Variants in LRRC37A observed in about 807,000 individuals in gnomAD.
LRRC37A encodes leucine-rich repeat-containing protein 37A.
A neutral mutation model predicts 35.4 loss-of-function variants in LRRC37A; 3 were observed. That is an observed-to-expected ratio of 0.08 (90% CI 0.04 to 0.22). LRRC37A has a LOEUF of 0.22. LRRC37A is among the 10% of genes least tolerant of loss of function. The pLI is 1.00. For missense variants in LRRC37A, 67 were observed against 565.3 expected (o/e 0.12, Z 8.94); for synonymous variants, 23 against 215.0 (o/e 0.11, Z 7.81).
the LRRC37A span, among the ~76,000 whole-genome samples, chr17:46,286,761 T>C: frequency 6.6e-6 from 1 of 152,398 alleles, no homozygotes; most frequent in African/African-American, 2.4e-5. Flanking sequence ...TTTGGCTTCC[T>C]AAATTATTAA....
At chr17:46,260,638 T>TTC in the LRRC37A span, 1 of 1,430,580 alleles carries the variant, frequency 7.0e-7, no homozygotes, top group African/African-American at 1.5e-5. Flanking sequence ...TTTTTTTTTT[T>TTC]TTGAGACGTA....
At chr17:46,292,247 A>G (rs529230055), upstream of LRRC37A, among the ~76,000 whole-genome samples, 1 of 75,294 alleles carries the variant, frequency 1.3e-5, no homozygotes, top group African/African-American at 3.4e-5. Flanking sequence ...CATGAAAACC[A>G]CTTGAACCCA....
the LRRC37A span, among the ~76,000 whole-genome samples, chr17:46,265,812 C>A: frequency 2.6e-5 from 4 of 152,344 alleles, no homozygotes; most frequent in Admixed American, 6.5e-5. Flanking sequence ...AATTAGACCT[C>A]TGTGCCGGCC....
chr17:46,269,027 C>G, the LRRC37A span, among the ~76,000 whole-genome samples: 17,754 of 148,250 alleles, frequency 0.12, 1 homozygote, highest in Middle Eastern at 0.19. Context: ...AAATAGTCCA[C>G]AAAACATTTT....
the LRRC37A span, chr17:46,268,616 C>T: frequency 1.2e-5 from 18 of 1,551,628 alleles, no homozygotes; most frequent in Middle Eastern, 1.7e-4. Flanking sequence ...TGCTGAGGAG[C>T]AGCAGCAGCT....
chr17:46,256,324 G>T, the LRRC37A span, among the ~76,000 whole-genome samples: 1 of 152,140 alleles, frequency 6.6e-6, no homozygotes, highest in Non-Finnish European at 1.5e-5. Context: ...GGTGGAGGTT[G>T]CAGTGAGCCC....
chr17:46,257,505 T>G, the LRRC37A span, among the ~76,000 whole-genome samples: 1 of 132,936 alleles, frequency 7.5e-6, no homozygotes, highest in Non-Finnish European at 1.6e-5. Flanking sequence ...AAAAAAATAA[T>G]AAAATTTAAA....
At chr17:46,285,465 C>G in the LRRC37A span, among the ~76,000 whole-genome samples, 2 of 152,030 alleles carry the variant, frequency 1.3e-5, no homozygotes, top group Middle Eastern at 6.3e-3. Context: ...TGGTCTCAAA[C>G]TCCTGACCTC....
the LRRC37A span, among the ~76,000 whole-genome samples, chr17:46,280,399 T>A: frequency 6.6e-6 from 1 of 151,234 alleles, no homozygotes; most frequent in African/African-American, 2.4e-5. Context: ...TCTAGCCCAG[T>A]GCAGTGGCTC....
chr17:46,268,096 T>C, the LRRC37A span, among the ~76,000 whole-genome samples: 3 of 152,194 alleles, frequency 2.0e-5, no homozygotes, highest in Non-Finnish European at 2.9e-5. Flanking sequence ...GCATGTGCTC[T>C]GGGAAATCCT....
the LRRC37A span, among the ~76,000 whole-genome samples, chr17:46,250,618 A>G: frequency 1.3e-5 from 2 of 152,208 alleles, no homozygotes; most frequent in Non-Finnish European, 2.9e-5. Context: ...CAGTTTTGGA[A>G]CTCAGACTGG....
chr17:46,288,706 C>CTTT (rs199591277), upstream of LRRC37A, among the ~76,000 whole-genome samples: 52 of 138,998 alleles, frequency 3.7e-4, no homozygotes, highest in Non-Finnish European at 6.0e-4. Flanking sequence ...CTTGTTTTTT[C>CTTT]TTTTTTTTTT....
the LRRC37A span, among the ~76,000 whole-genome samples, chr17:46,267,985 C>T: frequency 5.3e-5 from 8 of 150,534 alleles, no homozygotes; most frequent in African/African-American, 2.0e-4. Flanking sequence ...ACTGCAACCT[C>T]CGTCCCCCAG....
chr17:46,274,622 T>C, the LRRC37A span, among the ~76,000 whole-genome samples: 3 of 152,184 alleles, frequency 2.0e-5, no homozygotes, highest in Middle Eastern at 3.2e-3. Flanking sequence ...AGTTGACAAA[T>C]GAGGGCAGCA....
intron 4 of LRRC37A, 99 bp from the exon 5 acceptor site, chr17:46,306,130 T>C: frequency 4.6e-6 from 1 of 218,964 alleles, no homozygotes; most frequent in South Asian, 5.5e-5. Context: ...AGAGAAAGGA[T>C]TGAGGTTATG....
chr17:46,249,507 C>A, the LRRC37A span, among the ~76,000 whole-genome samples: 1 of 152,208 alleles, frequency 6.6e-6, no homozygotes, highest in Non-Finnish European at 1.5e-5. Context: ...CACACTCTTT[C>A]TATGCTTCCA....
chr17:46,261,877 A>G, the LRRC37A span, among the ~76,000 whole-genome samples: 2 of 152,224 alleles, frequency 1.3e-5, no homozygotes, highest in African/African-American at 2.4e-5. Context: ...TAATAAAAGT[A>G]AAAATATTTT....
chr17:46,259,528 C>A, the LRRC37A span: 1 of 1,607,724 alleles, frequency 6.2e-7, no homozygotes, highest in Non-Finnish European at 8.5e-7. Context: ...ATTCGGGCTG[C>A]CTGTGGAGAG....
chr17:46,285,700 A>T, the LRRC37A span, among the ~76,000 whole-genome samples: 1 of 152,234 alleles, frequency 6.6e-6, no homozygotes, highest in Non-Finnish European at 1.5e-5. Context: ...GTGTGGGGAT[A>T]TGGTAAAGCT....
Sources: allele counts gnomAD v4.1 joint callset (sites outside exome capture counted in the v4.1 genomes callset), GRCh38; gene constraint gnomAD v4.1.1; transcripts MANE v1.5; gene names NCBI Gene and HGNC (gene_info 2026-07-23, HGNC 2026-07-21).